ZNF281: variants seen among roughly 807,000 people sequenced by gnomAD.
ZNF281 encodes the protein GC-box-binding zinc finger protein 1.
A neutral mutation model predicts 58.8 loss-of-function variants in ZNF281; 2 were observed. The ratio of observed to expected loss-of-function variants is 0.03; its 90% CI spans 0.01 to 0.11. The LOEUF is 0.11. Ranked by LOEUF, ZNF281 falls within the 10% of genes least tolerant of loss-of-function variation. ZNF281 has a pLI of 1.00. For synonymous variants in ZNF281, 465 were observed against 407.7 expected (o/e 1.14, Z -1.69); for missense variants, 975 against 1,090.7 (o/e 0.89, Z 1.49).
Position 200,409,433 on chromosome 1 carries a change from G to T in ZNF281, c.273C>A (p.Pro91=), listed in dbSNP as rs561151390. 6.0e-5 allele frequency: 91 copies of T among 1,523,694 alleles called. No individual in the cohort carries two copies. In the African/African-American group the frequency reaches 8.7e-4, roughly 15 times the overall value. The allele number at this position is 1,523,694 out of a possible 1,614,324, so 94.4% of individuals were successfully genotyped here. A position where few individuals can be genotyped will look rare whatever the true frequency, so the allele number is the denominator to read the frequency against. ...STSAAPAAEP[P]PPPAPDMTFK... ...AAGTCATGTCCGGGGCTGGCGGAGG[G>T]GGGGGCTCAGCGGCCGGGGCTGCGG... The change falls in exon 2 of 2, where the codon CCC becomes CCA. Residue 91 remains proline, a synonymous_variant. Coordinates refer to ENST00000367353, the MANE Select transcript of ZNF281 (RefSeq NM_001281293.2).
Position 200,409,688 on chromosome 1 carries a change from C to G in ZNF281, c.18G>C (p.Gly6=). The change falls in exon 2 of 2, where the codon GGG becomes GGC. Residue 6 remains glycine, a synonymous_variant. Coordinates refer to ENST00000367353, the MANE Select transcript of ZNF281 (RefSeq NM_001281293.2). MKIGS[G]FLSGGGGTGS... ...CGGTACCTCCGCCGCCACTCAGGAA[C>G]CCACTGCCGATTTTCATACCCCGGA... 1.3e-6 allele frequency: 2 copies of G among 1,584,472 alleles called. No homozygotes were observed. The highest frequency in any genetic ancestry group is 1.7e-6 in the Non-Finnish European group (2 of 1,167,684).
chr1:200,406,694 G>GTTT lies in ZNF281; in HGVS notation c.*321_*323dup. On this transcript the variant is annotated 3_prime_UTR_variant, in exon 2 of 2. Coordinates refer to ENST00000367353, the MANE Select transcript of ZNF281 (RefSeq NM_001281293.2). ...CCTAGCAACAAAGTTTTTTTTGTAG[G>GTTT]TTTTTTTTTTTTGGTTTTTTTTTGT... 5.9e-6 allele frequency: 1 copy of GTTT among 169,076 alleles called. No individual in the cohort carries two copies. Among genetic ancestry groups the GTTT allele is most frequent in the Non-Finnish European group, 1.2e-5 (1 of 83,980 alleles). 10.5% of individuals were successfully genotyped at this position (169,076 alleles called of 1,614,324 possible). A position where few individuals can be genotyped will look rare whatever the true frequency, so the allele number is the denominator to read the frequency against.
chr1:200,409,804 G>T, intron 1 of ZNF281, 81 bp from the exon 2 acceptor site: 1 of 1,463,546 alleles, frequency 6.8e-7, no homozygotes. Context: ...GCAGCGCTAA[G>T]GACCCCGCCG....
chr1:200,407,595 A>G lies in ZNF281; in HGVS notation c.2111T>C (p.Leu704Ser). The G allele has an allele frequency of 1.2e-6, 2 of 1,614,260 alleles. No homozygotes were observed. ...AGTGTATATTTGTTTTTCTGGAAAC[A>G]AAGTGTGGTTGTGGAGAGGTGAAGA... Reference protein sequence around the residue: ...SLSSPLHNHTLFPEKQIYTTS... With the variant: ...SLSSPLHNHTSFPEKQIYTTS... The change falls in exon 2 of 2, where the codon TTG becomes TCG. Residue 704 changes from leucine (L) to serine (S), a missense_variant. By Grantham distance (145) the Leu-to-Ser change is moderately radical. Around this residue, in one of 3 missense-constraint regions of ZNF281, gnomAD observed 579 missense variants for 608.9 expected, o/e 0.95. Coordinates refer to ENST00000367353, the MANE Select transcript of ZNF281 (RefSeq NM_001281293.2).
chr1:200,407,761 T>C lies in ZNF281; in HGVS notation c.1945A>G (p.Asn649Asp). 3 of 1,614,158 alleles carry C rather than the reference T, an allele frequency of 1.9e-6. No homozygotes were observed. Among genetic ancestry groups the C allele is most frequent in the Non-Finnish European group, 2.5e-6 (3 of 1,180,034 alleles). ...GEHSELVQEENLSPGTQTPSN... is the reference protein window; with the variant it reads ...GEHSELVQEEDLSPGTQTPSN... ...GGTGTTTGGGTGCCTGGGCTCAAATTTTCTTCTTGAACCAATTCTGAGTGT... is the reference window on the plus strand; with the variant it reads ...GGTGTTTGGGTGCCTGGGCTCAAATCTTCTTCTTGAACCAATTCTGAGTGT... The change falls in exon 2 of 2, where the codon AAT becomes GAT. Residue 649 changes from asparagine (N) to aspartate (D), a missense_variant. This residue lies in a region of ZNF281 where 579 missense variants were observed against 608.9 expected (regional missense o/e 0.95). Transcript: ENST00000367353.
In ZNF281 at chr1:200,405,512, A is replaced by T. The variant is rs191801113; in HGVS notation, c.*1506T>A. ...GACTGAAACATCACCAAAAGTACAT[A>T]AAAAACTCATCAGCATAAACATCAA... is the stretch of plus-strand genomic sequence containing the variant. On this transcript the variant is annotated 3_prime_UTR_variant, in exon 2 of 2. Transcript: ENST00000367353. 3.3e-5 allele frequency: 5 copies of T among 152,326 alleles called. No individual in the cohort carries two copies. Among genetic ancestry groups the T allele is most frequent in the African/African-American group, 1.2e-4 (5 of 41,576 alleles). The allele number at this position is 152,326 out of a possible 1,614,324, so 9.4% of individuals were successfully genotyped here. A position where few individuals can be genotyped will look rare whatever the true frequency, so the allele number is the denominator to read the frequency against.
chr1:200,408,458 C>T lies in ZNF281; in HGVS notation c.1248G>A (p.Lys416=). 6.2e-7 allele frequency: 1 copy of T among 1,614,084 alleles called. No individual in the cohort carries two copies. The highest frequency in any genetic ancestry group is 8.5e-7 in the Non-Finnish European group (1 of 1,180,022). ...CATTTGTTTTACCGGTCTTCTGTTC[C>T]TTATTTTCAATAGCTATGCTTTTTG... ...TKSKSIAIEN[K]EQKTGKTNES... The change falls in exon 2 of 2, where the codon AAG becomes AAA. Residue 416 remains lysine (K), a synonymous_variant. Transcript: ENST00000367353.
chr1:200,409,123 C>T lies in ZNF281; in HGVS notation c.583G>A (p.Val195Ile), dbSNP rs1654533953. Residue 195 changes from valine (V) to isoleucine (I), a missense_variant, in exon 2 of 2, where the codon GTA (valine) becomes ATA (isoleucine). Physicochemically the swap from Val to Ile is conservative, Grantham distance 29 (BLOSUM62 3). Coordinates refer to ENST00000367353, the MANE Select transcript of ZNF281 (RefSeq NM_001281293.2). ...GTCCTGCTACTGCTGCTGAGTAATA[C>T]GTCACGGTGGTGCTGGGCTGGTTGC... ...QQQPAQHHRD[V>I]LLSSSSRTDD... The T allele has an allele frequency of 6.2e-7, 1 of 1,614,164 alleles. No individual in the cohort carries two copies. The highest frequency in any genetic ancestry group is 2.2e-5 in the East Asian group (1 of 44,892).
Position 200,409,430 on chromosome 1 carries a change from A to T in ZNF281, c.276T>A (p.Pro92=). 4.8e-6 allele frequency: 7 copies of T among 1,460,500 alleles called. No homozygotes were observed. The highest frequency in any genetic ancestry group is 2.3e-5 in the Admixed American group (1 of 44,306). 90.5% of individuals were successfully genotyped at this position (1,460,500 alleles called of 1,614,324 possible). Residue 92 remains proline, a synonymous_variant, in exon 2 of 2, where the codon CCT becomes CCA. Coordinates refer to ENST00000367353, the MANE Select transcript of ZNF281 (RefSeq NM_001281293.2). The stretch of plus-strand genomic sequence containing the variant: ...TGAAAGTCATGTCCGGGGCTGGCGG[A>T]GGGGGGGGCTCAGCGGCCGGGGCTG... ...TSAAPAAEPP[P]PPAPDMTFKK...
rs775317842 is a variant in ZNF281 at position 200,407,334 on chromosome 1, T to C, written c.2372A>G (p.Gln791Arg). 1.7e-5 allele frequency: 27 copies of C among 1,614,140 alleles called. No individual in the cohort carries two copies. The East Asian group carries it at 4.7e-4, about 28-fold the overall frequency. ...FQSSSQKLTS[Q>R]KEQKNLESST... ...AGACTCTAAGTTTTTCTGTTCCTTC[T>C]GGCTAGTCAATTTCTGAGATGAGGA... The change falls in exon 2 of 2, where the codon CAG becomes CGG. Residue 791 changes from glutamine to arginine, a missense_variant. Transcript: ENST00000367353.
Position 200,409,621 on chromosome 1 carries a change from CGCCACTACCACCGCCGCCGGA to C in ZNF281, c.64_84del (p.Ser22_Gly28del), listed in dbSNP as rs1177962977. 3 of 1,550,710 alleles carry C rather than the reference CGCCACTACCACCGCCGCCGGA, an allele frequency of 1.9e-6. No homozygotes were observed. In the East Asian group the frequency reaches 7.3e-5, roughly 38 times the overall value. On this transcript the variant is annotated inframe_deletion, in exon 2 of 2. Coordinates refer to ENST00000367353, the MANE Select transcript of ZNF281 (RefSeq NM_001281293.2). ...CCGCTGCTGCCGCCGCCGCCGCCGC[CGCCACTACCACCGCCGCCGGA>C]GCCGCTACCACCGCTACTGCCGGTA...
At position 200,405,039 on chromosome 1, in the gene ZNF281, TAAAG is replaced by T. The variant is rs897527388; in HGVS notation, c.*1975_*1978del. The T allele has an allele frequency of 2.6e-5, 4 of 152,604 alleles. No homozygotes were observed. The highest frequency in any genetic ancestry group is 9.6e-5 in the African/African-American group (4 of 41,456). The allele number at this position is 152,604 out of a possible 1,614,324, so 9.5% of individuals were successfully genotyped here. On this transcript the variant is annotated 3_prime_UTR_variant, in exon 2 of 2. Transcript: ENST00000367353. ...AGTATTCAGTACACACAATAAAAGT[TAAAG>T]AAATTCAAAACCTGTATAAAACAAA...
intron 1 of ZNF281, 69 bp from the exon 2 acceptor site, chr1:200,409,792 C>T: frequency 6.7e-7 from 1 of 1,496,560 alleles, no homozygotes; most frequent in Non-Finnish European, 8.9e-7. Flanking sequence ...GCCGGGACCA[C>T]CGCAGCGCTA....
Position 200,406,955 on chromosome 1 carries a change from C to G in ZNF281, c.*63G>C. 6.8e-7 allele frequency: 1 copy of G among 1,460,306 alleles called. No homozygotes were observed. Among genetic ancestry groups the G allele is most frequent in the Non-Finnish European group, 9.2e-7 (1 of 1,089,628 alleles). The allele number at this position is 1,460,306 out of a possible 1,614,324, so 90.5% of individuals were successfully genotyped here. A position where few individuals can be genotyped will look rare whatever the true frequency, so the allele number is the denominator to read the frequency against. ...GGATCGTGTAGAAACATTCCAATGG[C>G]AGTGTTCTCAAAATAAAACAAAATT... is the stretch of plus-strand genomic sequence containing the variant. On this transcript the variant is annotated 3_prime_UTR_variant, in exon 2 of 2. Transcript: ENST00000367353.
rs746807507 is a variant in ZNF281, at chr1:200,408,648, T to C, written c.1058A>G (p.Tyr353Cys). 3.1e-6 allele frequency: 5 copies of C among 1,614,094 alleles called. No homozygotes were observed. Among genetic ancestry groups the C allele is most frequent in the Non-Finnish European group, 3.4e-6 (4 of 1,180,050 alleles). The change falls in exon 2 of 2, where the codon TAT (tyrosine) becomes TGT (cysteine). Residue 353 changes from tyrosine to cysteine, a missense_variant. Tyr to Cys is a radical substitution (Grantham distance 194). Around this residue, in one of 3 missense-constraint regions of ZNF281, gnomAD observed 26 missense variants for 121.0 expected, o/e 0.21. Transcript: ENST00000367353. Reference protein sequence around the residue: ...KPYKCDTCQQYFSRTDRLLKH... With the variant: ...KPYKCDTCQQCFSRTDRLLKH... ...CAACAATCTATCAGTCCTTGAAAAA[T>C]ACTGTTGGCAAGTGTCACACTTATA...
chr1:200,409,664 G>C lies in ZNF281; in HGVS notation c.42C>G (p.Thr14=). ...CGGAGCCGCTACCACCGCTACTGCC[G>C]GTACCTCCGCCGCCACTCAGGAACC... ...GSGFLSGGGG[T]GSSGGSGSGG... Residue 14 remains threonine, a synonymous_variant, in exon 2 of 2, where the codon ACC becomes ACG. Coordinates refer to ENST00000367353, the MANE Select transcript of ZNF281 (RefSeq NM_001281293.2). 6.4e-7 allele frequency: 1 copy of C among 1,562,286 alleles called. No homozygotes were observed. The highest frequency in any genetic ancestry group is 1.4e-5 in the African/African-American group (1 of 72,502).
rs183657842 is a variant in ZNF281 at position 200,409,508 on chromosome 1, C to A, written c.198G>T (p.Pro66=). ...GCGGGGGAGGGGCGGCCGACCCCGCCGGCCGGGTGAAGCTGGTGACCGGGG... is the reference window on the plus strand; with the variant it reads ...GCGGGGGAGGGGCGGCCGACCCCGCAGGCCGGGTGAAGCTGGTGACCGGGG... ...RLPPVTSFTR[P]AGSAAPPPQC... The change falls in exon 2 of 2, where the codon CCG becomes CCT. Residue 66 remains proline (P), a synonymous_variant. Transcript: ENST00000367353. 3.0e-5 allele frequency: 46 copies of A among 1,549,314 alleles called. 1 individual carries two copies. The South Asian group carries it at 5.4e-4, about 18-fold the overall frequency.
In ZNF281 at chr1:200,408,463, T is replaced by G. The variant is rs777432754; in HGVS notation, c.1243A>C (p.Asn415His). 6.2e-7 allele frequency: 1 copy of G among 1,614,198 alleles called. No homozygotes were observed. The highest frequency in any genetic ancestry group is 8.5e-7 in the Non-Finnish European group (1 of 1,180,040). ...KTKSKSIAIE[N>H]KEQKTGKTNE... ...GTTTTACCGGTCTTCTGTTCCTTAT[T>G]TTCAATAGCTATGCTTTTTGACTTT... The change falls in exon 2 of 2, where the codon AAT becomes CAT. Residue 415 changes from asparagine (N) to histidine (H), a missense_variant. Asn to His is a moderately conservative substitution (Grantham distance 68). Around this residue, in one of 3 missense-constraint regions of ZNF281, gnomAD observed 579 missense variants for 608.9 expected, o/e 0.95. Transcript: ENST00000367353.
At position 200,408,597 on chromosome 1, in the gene ZNF281, A is replaced by G. The variant is rs752561942; in HGVS notation, c.1109T>C (p.Val370Ala). 6.2e-7 allele frequency: 1 copy of G among 1,614,208 alleles called. No individual in the cohort carries two copies. The highest frequency in any genetic ancestry group is 1.6e-4 in the Middle Eastern group (1 of 6,062). The change falls in exon 2 of 2, where the codon GTC (valine) becomes GCC (alanine). Residue 370 changes from valine (V) to alanine (A), a missense_variant. Val to Ala is a moderately conservative substitution (Grantham distance 64). Around this residue, in one of 3 missense-constraint regions of ZNF281, gnomAD observed 579 missense variants for 608.9 expected, o/e 0.95. Coordinates refer to ENST00000367353, the MANE Select transcript of ZNF281 (RefSeq NM_001281293.2). ...LLKHRRTCGEVIVKGATSAEP... is the reference protein window; with the variant it reads ...LLKHRRTCGEAIVKGATSAEP... ...TGCACTAGTGGCTCCTTTAACTATG[A>G]CTTCACCACATGTGCGCCTGTGCTT...
Sources: allele counts gnomAD v4.1 joint callset, GRCh38; gene constraint gnomAD v4.1.1; regional missense constraint gnomAD v4.1.1; transcripts MANE v1.5; gene names NCBI Gene and HGNC (gene_info 2026-07-23, HGNC 2026-07-21).